The following ASXL3 variants were observed in gnomAD, a reference collection of about 807,000 sequenced individuals.
ASXL3 encodes the protein putative Polycomb group protein ASXL3.
ASXL3 carries 34 observed loss-of-function variants against 170.6 expected under a neutral mutation model. The observed-to-expected ratio is 0.20, with a 90% CI of 0.15 to 0.27. The LOEUF (loss-of-function observed/expected upper bound fraction) is 0.27. Ranked by LOEUF, ASXL3 falls within the 10% of genes least tolerant of loss-of-function variation. The pLI is 1.00. For synonymous variants in ASXL3, 1,002 were observed against 989.1 expected, an observed-to-expected ratio of 1.01 and a Z score of -0.24; for missense variants, 2,592 against 2,695.3, an observed-to-expected ratio of 0.96 and a Z score of 0.85.
At chr18:33,588,869 C>T (rs2065055182) in intron 1 of ASXL3, among the ~76,000 whole-genome samples, 1 of 152,134 alleles carries the variant, frequency 6.6e-6, no homozygotes, top group African/African-American at 2.4e-5. Context: ...CCCAGTAAAG[C>T]CACCACCATT....
intron 8 of ASXL3, chr18:33,690,353 C>T (rs2066668283): frequency 6.6e-6 from 1 of 152,070 alleles, no homozygotes; most frequent in South Asian, 2.1e-4. Context: ...GTTGCTGTTA[C>T]TAGATCTAAG....
At chr18:33,655,643 A>G (rs1469614346) in intron 4 of ASXL3, among the ~76,000 whole-genome samples, 2 of 152,084 alleles carry the variant, frequency 1.3e-5, no homozygotes, top group African/African-American at 2.4e-5. Context: ...GATTTTAAAA[A>G]TAGAGTTCAG....
At chr18:33,597,049 G>A (rs8095330) in intron 1 of ASXL3, among the ~76,000 whole-genome samples, 86,168 of 151,906 alleles carry the variant, frequency 0.57, 25,479 homozygotes, top group African/African-American at 0.71. Context: ...TCCTGAGCTC[G>A]AGCGATCTGC....
Position 33,670,659 on chromosome 18 carries a change from A to T in ASXL3, c.478-14A>T. 1 of 1,498,268 alleles carries T rather than the reference A, an allele frequency of 6.7e-7. No individual in the cohort carries two copies. Among genetic ancestry groups the T allele is most frequent in the Non-Finnish European group, 9.0e-7 (1 of 1,112,154 alleles). The allele number at this position is 1,498,268 out of a possible 1,614,324, so 92.8% of individuals were successfully genotyped here. On this transcript the variant is annotated splice_polypyrimidine_tract_variant and intron_variant, in intron 5 of 11. Coordinates refer to ENST00000269197, the MANE Select transcript of ASXL3 (RefSeq NM_030632.3). ...CTATATTTTTATGTTATATCTTTTT[A>T]TTATGTTTTGTAGGCTTTGAGGCAG...
Position 33,676,222 on chromosome 18 carries a change from C to CAAAAAAAAAAAAAAAAAAAAAAAA in ASXL3, c.715+4358_715+4381dup, listed in dbSNP as rs568221465. Among the ~76,000 whole-genome samples the CAAAAAAAAAAAAAAAAAAAAAAAA allele has an allele frequency of 1.1e-3, 46 of 41,720 alleles. 5 individuals are homozygous for CAAAAAAAAAAAAAAAAAAAAAAAA. The highest frequency in any genetic ancestry group is 2.0e-3 in the Admixed American group (6 of 3,024). 27.4% of individuals were successfully genotyped at this position (41,720 alleles called of 152,430 possible). A position where few individuals can be genotyped will look rare whatever the true frequency, so the allele number is the denominator to read the frequency against. On this transcript the variant is annotated intron_variant, in intron 7 of 11. Coordinates refer to ENST00000269197, the MANE Select transcript of ASXL3 (RefSeq NM_030632.3). ...CTGGGTGACGAGCGAGACTCCGTCT[C>CAAAAAAAAAAAAAAAAAAAAAAAA]AAAAAAAAAAAAAAAAAAAAAAAAA...
chr18:33,733,904 T>G (rs2067496430), intron 9 of ASXL3, among the ~76,000 whole-genome samples: 1 of 152,166 alleles, frequency 6.6e-6, no homozygotes, highest in Admixed American at 6.5e-5. Context: ...ACTTTCTATA[T>G]TTCACTACAT....
intron 4 of ASXL3, among the ~76,000 whole-genome samples, chr18:33,660,539 GTTT>G (rs1295608740): frequency 6.6e-6 from 1 of 152,086 alleles, no homozygotes; most frequent in Non-Finnish European, 1.5e-5. Context: ...CACTTGGAAA[GTTT>G]TCTTGAATTA....
intron 9 of ASXL3, among the ~76,000 whole-genome samples, chr18:33,732,748 A>T (rs964225189): frequency 3.9e-5 from 6 of 151,990 alleles, no homozygotes; most frequent in Admixed American, 3.9e-4. Context: ...TTCAGCAACT[A>T]GGGAGTCTAA....
chr18:33,618,335 G>A (rs1311892294), intron 2 of ASXL3, among the ~76,000 whole-genome samples: 1 of 152,014 alleles, frequency 6.6e-6, no homozygotes, highest in Non-Finnish European at 1.5e-5. Context: ...AGTGCAAGAT[G>A]TCTATATGAT....
At chr18:33,603,350 G>A (rs2065204869) in intron 1 of ASXL3, among the ~76,000 whole-genome samples, 1 of 151,960 alleles carries the variant, frequency 6.6e-6, no homozygotes, top group African/African-American at 2.4e-5. Context: ...TCTTAACTTG[G>A]CCCTAAATGA....
intron 2 of ASXL3, among the ~76,000 whole-genome samples, chr18:33,638,938 G>A (rs1268070088): frequency 6.6e-6 from 1 of 152,106 alleles, no homozygotes; most frequent in African/African-American, 2.4e-5. Flanking sequence ...GACTATGGAC[G>A]AGCTGTGTAC....
chr18:33,601,783 T>C lies in ASXL3; in HGVS notation c.55-5811T>C, dbSNP rs760234945. ...TCTGAGAATTTAAGTAAATATCTGA[T>C]TGTATATATATAGTTTGTTTGTTTT... On this transcript the variant is annotated intron_variant, in intron 1 of 11. Coordinates refer to ENST00000269197, the MANE Select transcript of ASXL3 (RefSeq NM_030632.3). Among the ~76,000 whole-genome samples, 7 of 68,472 alleles carry C rather than the reference T, an allele frequency of 1.0e-4. 1 individual carries two copies. Among genetic ancestry groups the C allele is most frequent in the Non-Finnish European group, 2.5e-4 (7 of 27,900 alleles). The allele number at this position is 68,472 out of a possible 152,430, so 44.9% of individuals were successfully genotyped here. A position where few individuals can be genotyped will look rare whatever the true frequency, so the allele number is the denominator to read the frequency against.
At chr18:33,664,796 A>G (rs993669819) in intron 5 of ASXL3, among the ~76,000 whole-genome samples, 25 of 152,342 alleles carry the variant, frequency 1.6e-4, no homozygotes, top group African/African-American at 5.8e-4. Context: ...TAAGCTGGAC[A>G]ATCTGGAAGC....
In ASXL3 at chr18:33,644,933, C is replaced by T. The variant is rs774325109; in HGVS notation, c.177C>T (p.His59=). Residue 59 remains histidine (H), a synonymous_variant, in exon 3 of 12, where the codon CAC becomes CAT. Transcript: ENST00000269197. The stretch of plus-strand genomic sequence containing the variant: ...TAGCCTGTCTGAATGCAATGCTTCA[C>T]ACTAACACTCGAATAGGGGATGGAA... ...SPLACLNAML[H]TNTRIGDGTF... is the part of the protein sequence containing the mutation. 5.7e-6 allele frequency: 9 copies of T among 1,583,508 alleles called. No homozygotes were observed.
In ASXL3 at chr18:33,676,222, C is replaced by CAAAAAAAAAA. The variant is rs568221465; in HGVS notation, c.715+4372_715+4381dup. Among the ~76,000 whole-genome samples the CAAAAAAAAAA allele has an allele frequency of 2.1e-3, 88 of 41,724 alleles. 16 individuals carry two copies. Among genetic ancestry groups the CAAAAAAAAAA allele is most frequent in the East Asian group, 0.014 (11 of 768 alleles). 27.4% of individuals were successfully genotyped at this position (41,724 alleles called of 152,430 possible). A position where few individuals can be genotyped will look rare whatever the true frequency, so the allele number is the denominator to read the frequency against. ...CTGGGTGACGAGCGAGACTCCGTCT[C>CAAAAAAAAAA]AAAAAAAAAAAAAAAAAAAAAAAAA... On this transcript the variant is annotated intron_variant, in intron 7 of 11. Coordinates refer to ENST00000269197, the MANE Select transcript of ASXL3 (RefSeq NM_030632.3).
chr18:33,580,381 C>G (rs1176102907), intron 1 of ASXL3, among the ~76,000 whole-genome samples: 1 of 152,116 alleles, frequency 6.6e-6, no homozygotes, highest in East Asian at 1.9e-4. Context: ...TGGGGATGTG[C>G]AAGGCTTCTG....
rs77230718 is a variant in ASXL3 at position 33,652,958 on chromosome 18, T to C, written c.355+6605T>C. ...AATTGGGGCATACATTTAAAAGGTC[T>C]GGACACCCTGGGGAGTAGTCACACT... On this transcript the variant is annotated intron_variant, in intron 4 of 11. Transcript: ENST00000269197. Among the ~76,000 whole-genome samples the C allele has an allele frequency of 3.0e-3, 458 of 152,148 alleles. 2 individuals are homozygous for C. The highest frequency in any genetic ancestry group is 0.011 in the African/African-American group (443 of 41,538).
chr18:33,620,939 G>A (rs1008323631), intron 2 of ASXL3, among the ~76,000 whole-genome samples: 6 of 152,060 alleles, frequency 3.9e-5, no homozygotes, highest in African/African-American at 1.4e-4. Flanking sequence ...GTAAAAAGAA[G>A]GCCAGGACTA....
At chr18:33,590,116 T>TTTTTTTG (rs1568265368) in intron 1 of ASXL3, among the ~76,000 whole-genome samples, 3 of 147,150 alleles carry the variant, frequency 2.0e-5, no homozygotes, top group Admixed American at 6.7e-5. Flanking sequence ...TCTATGTTTT[T>TTTTTTTG]TTTTTTTTTT....
Sources: allele counts gnomAD v4.1 joint callset (sites outside exome capture counted in the v4.1 genomes callset), GRCh38; gene constraint gnomAD v4.1.1; transcripts MANE v1.5; gene names NCBI Gene and HGNC (gene_info 2026-07-23, HGNC 2026-07-21).